The following ZNF862 variants were observed in gnomAD, a reference collection of about 807,000 sequenced individuals.
ZNF862 encodes zinc finger protein 862.
A neutral mutation model predicts 91.1 loss-of-function variants in ZNF862; 64 were observed. The observed-to-expected ratio is 0.70, with a 90% CI of 0.57 to 0.87. The LOEUF is 0.87. ZNF862 is among the 40% of genes least tolerant of loss of function. ZNF862 has a pLI of 0.00. For missense variants in ZNF862, 1,459 were observed against 1,528.0 expected, an observed-to-expected ratio of 0.95 and a Z score of 0.75; for synonymous variants, 631 against 618.1, an observed-to-expected ratio of 1.02 and a Z score of -0.31.
At position 149,860,437 on chromosome 7, in the gene ZNF862, A is replaced by G. The variant is rs747994276; in HGVS notation, c.1277A>G (p.Asp426Gly). Residue 426 changes from aspartate to glycine, a missense_variant, in exon 7 of 8, where the codon GAC (aspartate) becomes GGC (glycine). Coordinates refer to ENST00000223210, the MANE Select transcript of ZNF862 (RefSeq NM_001099220.3). ...GCAGACACACAGGCCTCGGCTGCAG[A>G]CTCCGCGTTGCTTCCAGGCTCTCCC... ...READTQASAADSALLPGSPVE... is the reference protein window; with the variant it reads ...READTQASAAGSALLPGSPVE... 3 of 1,613,638 alleles carry G rather than the reference A, an allele frequency of 1.9e-6. No individual in the cohort carries two copies. The highest frequency in any genetic ancestry group is 2.5e-6 in the Non-Finnish European group (3 of 1,179,802).
In ZNF862 at chr7:149,861,757, C is replaced by T; in HGVS notation, c.2597C>T (p.Thr866Ile). ...EVCQKEIVLI[T>I]EVNATLGRAY... ...TGCCAGAAGGAGATCGTGCTGATTACAGAGGTGAACGCCACGCTGGGCCGC... is the reference window on the plus strand; with the variant it reads ...TGCCAGAAGGAGATCGTGCTGATTATAGAGGTGAACGCCACGCTGGGCCGC... Residue 866 changes from threonine (T) to isoleucine (I), a missense_variant, in exon 7 of 8, where the codon ACA (threonine) becomes ATA (isoleucine). Thr to Ile is a moderately conservative substitution (Grantham distance 89). Transcript: ENST00000223210. This position sits in a 1 kb window ranked among gnomAD's most constrained non-coding sequence, Gnocchi z 6.7. 1 of 1,613,620 alleles carries T rather than the reference C, an allele frequency of 6.2e-7. No individual in the cohort carries two copies. Among genetic ancestry groups the T allele is most frequent in the Non-Finnish European group, 8.5e-7 (1 of 1,179,842 alleles).
At chr7:149,863,935 C>T (rs1802614170) in intron 7 of ZNF862, among the ~76,000 whole-genome samples, 174 bp from the exon 8 acceptor site, 1 of 152,258 alleles carries the variant, frequency 6.6e-6, no homozygotes. Context: ...TCCCCTATCT[C>T]AGGATAAAAG....
At chr7:149,842,806 G>A (rs999984141) in intron 1 of ZNF862, among the ~76,000 whole-genome samples, 1 of 152,226 alleles carries the variant, frequency 6.6e-6, no homozygotes, top group African/African-American at 2.4e-5. Context: ...TCTTGGGGTT[G>A]TCTTCAATGC....
At position 149,850,250 on chromosome 7, in the gene ZNF862, C is replaced by G; in HGVS notation, c.1029C>G (p.Thr343=). ...VVFEDVAVYF[T]REEWGMLDKR... ...TCGAGGATGTGGCAGTGTATTTCAC[C>G]CGGGAGGAGTGGGGCATGCTAGACA... The change falls in exon 5 of 8, where the codon ACC becomes ACG. Residue 343 remains threonine (T), a synonymous_variant. Transcript: ENST00000223210. This position sits in a 1 kb window ranked among gnomAD's most constrained non-coding sequence, Gnocchi z 4.2. 1 of 1,613,116 alleles carries G rather than the reference C, an allele frequency of 6.2e-7. No homozygotes were observed. Among genetic ancestry groups the G allele is most frequent in the African/African-American group, 1.3e-5 (1 of 74,964 alleles).
At position 149,844,844 on chromosome 7, in the gene ZNF862, C is replaced by T. The variant is rs1801818004; in HGVS notation, c.136+108C>T. On this transcript the variant is annotated intron_variant, in intron 2 of 7. Transcript: ENST00000223210. ...AGTTTTCTGGAATCCAAGCATTTGT[C>T]TAGGCATCTTTACTCCACCTGTCTG... 4.0e-6 allele frequency: 3 copies of T among 742,570 alleles called. No individual in the cohort carries two copies. The South Asian group carries it at 5.1e-5, about 13-fold the overall frequency. 46.0% of individuals were successfully genotyped at this position (742,570 alleles called of 1,614,324 possible). A position where few individuals can be genotyped will look rare whatever the true frequency, so the allele number is the denominator to read the frequency against.
Position 149,855,073 on chromosome 7 carries a change from A to G in ZNF862, c.1118-4349A>G, listed in dbSNP as rs1331872466. Among the ~76,000 whole-genome samples the G allele has an allele frequency of 1.3e-5, 2 of 152,194 alleles. No homozygotes were observed. Among genetic ancestry groups the G allele is most frequent in the Non-Finnish European group, 2.9e-5 (2 of 68,026 alleles). ...TGAAAGGGTCCTTTTTTGTTGGGTAATACACATGAAGTATTTAGGAATAAA... is the reference window on the plus strand; with the variant it reads ...TGAAAGGGTCCTTTTTTGTTGGGTAGTACACATGAAGTATTTAGGAATAAA... On this transcript the variant is annotated intron_variant, in intron 5 of 7. Coordinates refer to ENST00000223210, the MANE Select transcript of ZNF862 (RefSeq NM_001099220.3). The surrounding 1 kb of genome is among the most constrained non-coding windows in gnomAD (Gnocchi z 4.1).
rs368804918 is a variant in ZNF862, at chr7:149,848,300, G to C, written c.807G>C (p.Gly269=). The change falls in exon 4 of 8, where the codon GGG becomes GGC. Residue 269 remains glycine (G), a synonymous_variant. Coordinates refer to ENST00000223210, the MANE Select transcript of ZNF862 (RefSeq NM_001099220.3). ...PSSRAELEDP[G]GDGAIPAMYL... is the part of the protein sequence containing the mutation. ...CAAGAGCTGAACTAGAGGACCCTGG[G>C]GGGGATGGAGCAATTCCTGCAATGT... 8.7e-6 allele frequency: 14 copies of C among 1,608,484 alleles called. No homozygotes were observed. Among genetic ancestry groups the C allele is most frequent in the African/African-American group, 4.0e-5 (3 of 74,818 alleles).
At position 149,850,445 on chromosome 7, in the gene ZNF862, T is replaced by TGTAG; in HGVS notation, c.1117+109_1117+112dup. 1 of 1,215,596 alleles carries TGTAG rather than the reference T, an allele frequency of 8.2e-7. No individual in the cohort carries two copies. Among genetic ancestry groups the TGTAG allele is most frequent in the South Asian group, 1.5e-5 (1 of 65,910 alleles). 75.3% of individuals were successfully genotyped at this position (1,215,596 alleles called of 1,614,324 possible). On this transcript the variant is annotated intron_variant, in intron 5 of 7. Transcript: ENST00000223210. The surrounding 1 kb of genome is among the most constrained non-coding windows in gnomAD (Gnocchi z 4.2). ...TTCCCATTCCTGCCCCCTCCCTGTG[T>TGTAG]GTAGGCAGAGACCGATCCTGTCTTT...
intron 1 of ZNF862, 101 bp downstream of exon 1, chr7:149,838,736 C>A: frequency 1.3e-6 from 1 of 785,206 alleles, no homozygotes; most frequent in Non-Finnish European, 1.7e-6. Flanking sequence ...CGCAGATGAG[C>A]CAGGCTTGCA....
chr7:149,854,769 C>G (rs1346596437), intron 5 of ZNF862, among the ~76,000 whole-genome samples: 1 of 152,244 alleles, frequency 6.6e-6, no homozygotes, highest in Non-Finnish European at 1.5e-5. Flanking sequence ...TCAGGTGCTT[C>G]CCTGTGGCCC....
Position 149,866,813 on chromosome 7 carries a change from C to T in ZNF862, c.*2529C>T, listed in dbSNP as rs951386100. The T allele has an allele frequency of 2.0e-5, 3 of 152,330 alleles. No homozygotes were observed. Among genetic ancestry groups the T allele is most frequent in the Admixed American group, 6.5e-5 (1 of 15,286 alleles). The allele number at this position is 152,330 out of a possible 1,614,324, so 9.4% of individuals were successfully genotyped here. On this transcript the variant is annotated 3_prime_UTR_variant, in exon 8 of 8. Transcript: ENST00000223210. ...CCTGAACTTCCTCATTCAGGACCCC[C>T]GTGGAAACACAGTGAGCATCCTTAT...
At chr7:149,838,664 G>A (rs1248037451) in intron 1 of ZNF862, 29 bp downstream of exon 1, 1 of 1,211,312 alleles carries the variant, frequency 8.3e-7, no homozygotes, top group Non-Finnish European at 1.0e-6. Flanking sequence ...GGGGCCGCCC[G>A]CTCCCTCCCG....
intron 3 of ZNF862, among the ~76,000 whole-genome samples, chr7:149,846,721 C>T (rs534220010): frequency 1.2e-4 from 19 of 152,138 alleles, no homozygotes; most frequent in Non-Finnish European, 2.1e-4. Flanking sequence ...CTTGGCATTA[C>T]GTAAAATAAC....
chr7:149,842,964 A>G (rs1161572683), intron 1 of ZNF862, among the ~76,000 whole-genome samples: 1 of 152,224 alleles, frequency 6.6e-6, no homozygotes, highest in African/African-American at 2.4e-5. Flanking sequence ...TTAAATGTAC[A>G]CATTTGGCAG....
In ZNF862 at chr7:149,855,510, TAAGA is replaced by T. The variant is rs1802231175; in HGVS notation, c.1118-3908_1118-3905del. 6.6e-6 allele frequency among the ~76,000 whole-genome samples: 1 copy of T among 152,176 alleles called. No homozygotes were observed. Among genetic ancestry groups the T allele is most frequent in the Non-Finnish European group, 1.5e-5 (1 of 68,024 alleles). The stretch of plus-strand genomic sequence containing the variant: ...ATGGCGTTGGTGGGTGGGAGAGGTA[TAAGA>T]AAGGTTTCATTTGACATGTAATCTG... On this transcript the variant is annotated intron_variant, in intron 5 of 7. Coordinates refer to ENST00000223210, the MANE Select transcript of ZNF862 (RefSeq NM_001099220.3). The surrounding 1 kb of genome is among the most constrained non-coding windows in gnomAD (Gnocchi z 4.1).
intron 5 of ZNF862, chr7:149,852,147 T>C (rs1472753354): frequency 1.3e-5 from 2 of 152,130 alleles, no homozygotes; most frequent in East Asian, 1.9e-4. Context: ...TAGTATTAAA[T>C]TGGGATATAA....
chr7:149,838,672 C>T, intron 1 of ZNF862, 37 bp downstream of exon 1: 1 of 1,195,832 alleles, frequency 8.4e-7, no homozygotes, highest in Middle Eastern at 3.2e-4. Flanking sequence ...CCGCTCCCTC[C>T]CGAGGATCCC....
rs539405469 is a variant in ZNF862 at position 149,865,153 on chromosome 7, C to T, written c.*869C>T. 3 of 152,424 alleles carry T rather than the reference C, an allele frequency of 2.0e-5. No homozygotes were observed. The highest frequency in any genetic ancestry group is 1.3e-4 in the Admixed American group (2 of 15,302). The allele number at this position is 152,424 out of a possible 1,614,324, so 9.4% of individuals were successfully genotyped here. Reference sequence around the variant, plus strand: ...CAGAGATCCAAGTGCCTGCTGACTCCCCATCTGCCCTAGGATTAGTGAATG... The same window carrying T: ...CAGAGATCCAAGTGCCTGCTGACTCTCCATCTGCCCTAGGATTAGTGAATG... On this transcript the variant is annotated 3_prime_UTR_variant, in exon 8 of 8. Transcript: ENST00000223210.
rs751233768 is a variant in ZNF862 at position 149,860,752 on chromosome 7, C to T, written c.1592C>T (p.Thr531Met). 3.5e-5 allele frequency: 57 copies of T among 1,613,756 alleles called. No individual in the cohort carries two copies. In the Admixed American group the frequency reaches 5.7e-4, roughly 16 times the overall value. The change falls in exon 7 of 8, where the codon ACG becomes ATG. Residue 531 changes from threonine to methionine, a missense_variant. Coordinates refer to ENST00000223210, the MANE Select transcript of ZNF862 (RefSeq NM_001099220.3). Reference protein sequence around the residue: ...VSKAHRLCVNTVEIKEDTPHT... With the variant: ...VSKAHRLCVNMVEIKEDTPHT... ...AAAGCGCACAGGCTCTGTGTCAACA[C>T]GGTTGAAATCAAGGAAGACACCCCT... is the stretch of plus-strand genomic sequence containing the variant.
Sources: gnomAD v4.1 joint callset for allele counts (sites outside exome capture counted in the v4.1 genomes callset) on GRCh38, gnomAD v4.1.1 for gene constraint, Gnocchi (gnomAD v3.1) non-coding constraint, MANE v1.5 for transcripts, NCBI Gene and HGNC (gene_info 2026-07-23, HGNC 2026-07-21) for gene names.